ZDHHC2: variants seen among roughly 807,000 people sequenced by gnomAD.
ZDHHC2 encodes the protein zDHHC palmitoyltransferase 2.
In ZDHHC2, 51 loss-of-function variants were observed where a neutral mutation model predicts 55.6. That is an observed-to-expected ratio of 0.92 (90% CI 0.73 to 1.16). The LOEUF is 1.16. ZDHHC2 is among the 50% of genes most tolerant of loss of function. The probability of loss-of-function intolerance (pLI) is 0.00; values close to 1 mark genes in which losing one functional copy is unlikely to be tolerated. For missense variants in ZDHHC2, 491 were observed against 442.4 expected (o/e 1.11, Z -0.99); for synonymous variants, 199 against 152.9 (o/e 1.30, Z -2.22).
chr8:17,189,550 C>T (rs1351622692), intron 3 of ZDHHC2, among the ~76,000 whole-genome samples: 1 of 152,198 alleles, frequency 6.6e-6, no homozygotes, highest in African/African-American at 2.4e-5. Context: ...TATTCATACA[C>T]ATGCAGGTTT....
intron 3 of ZDHHC2, among the ~76,000 whole-genome samples, chr8:17,190,219 G>A (rs1805947306): frequency 6.6e-6 from 1 of 151,328 alleles, no homozygotes; most frequent in Non-Finnish European, 1.5e-5. Context: ...TCGCACCACT[G>A]CACTCCAGCC....
chr8:17,209,043 ATTCC>A (rs1490882197), intron 8 of ZDHHC2, among the ~76,000 whole-genome samples: 1 of 152,140 alleles, frequency 6.6e-6, no homozygotes, highest in Non-Finnish European at 1.5e-5. Flanking sequence ...CCATGTTCAT[ATTCC>A]AAAAACAACA....
chr8:17,182,600 C>T (rs1407323779), intron 1 of ZDHHC2, among the ~76,000 whole-genome samples: 1 of 152,084 alleles, frequency 6.6e-6, no homozygotes, highest in African/African-American at 2.4e-5. Flanking sequence ...AAAAATAGAA[C>T]ATCTGTGGAT....
At chr8:17,166,453 T>G (rs767405957) in intron 1 of ZDHHC2, among the ~76,000 whole-genome samples, 3 of 152,162 alleles carry the variant, frequency 2.0e-5, no homozygotes, top group Non-Finnish European at 4.4e-5. Context: ...TGTGCTGTCA[T>G]GAAATAGAGA....
At chr8:17,185,786 C>T (rs1463928347) in intron 2 of ZDHHC2, among the ~76,000 whole-genome samples, 2 of 152,166 alleles carry the variant, frequency 1.3e-5, no homozygotes, top group African/African-American at 2.4e-5. Context: ...ACAATTGTCC[C>T]ATGTAATAAA....
intron 3 of ZDHHC2, among the ~76,000 whole-genome samples, chr8:17,190,572 A>G (rs1329440846): frequency 4.6e-5 from 7 of 152,334 alleles, no homozygotes; most frequent in Admixed American, 3.9e-4. Flanking sequence ...ATAGTTTTTC[A>G]TTGGTAAGAT....
chr8:17,187,186 C>G (rs1344873362), intron 3 of ZDHHC2, among the ~76,000 whole-genome samples: 2 of 152,190 alleles, frequency 1.3e-5, no homozygotes, highest in Non-Finnish European at 2.9e-5. Context: ...TGAGAGACAA[C>G]TAGCAATCTC....
At chr8:17,206,445 G>C (rs986388928) in intron 7 of ZDHHC2, among the ~76,000 whole-genome samples, 17 of 152,130 alleles carry the variant, frequency 1.1e-4, no homozygotes, top group Non-Finnish European at 2.1e-4. Context: ...TCTTCCCTAG[G>C]AGCAGTTTTT....
chr8:17,223,459 C>T lies in ZDHHC2; in HGVS notation c.*3238C>T, dbSNP rs1031821351. The stretch of plus-strand genomic sequence containing the variant: ...TAATATCTTTCTGCAGAAACGTGTT[C>T]TTCTAAAGCAGAAAACCACGTGGCT... On this transcript the variant is annotated 3_prime_UTR_variant, in exon 13 of 13. Transcript: ENST00000262096. 9.9e-5 allele frequency: 15 copies of T among 151,868 alleles called. No homozygotes were observed. Among genetic ancestry groups the T allele is most frequent in the Non-Finnish European group, 2.1e-4 (14 of 67,794 alleles). 9.4% of individuals were successfully genotyped at this position (151,868 alleles called of 1,614,324 possible).
chr8:17,165,661 G>C (rs1482057612), intron 1 of ZDHHC2, among the ~76,000 whole-genome samples: 1 of 152,064 alleles, frequency 6.6e-6, no homozygotes. Flanking sequence ...TTCTAATTGG[G>C]GGAAGGAAAA....
intron 1 of ZDHHC2, among the ~76,000 whole-genome samples, chr8:17,161,480 T>C (rs1396064343): frequency 6.6e-6 from 1 of 152,208 alleles, no homozygotes; most frequent in Non-Finnish European, 1.5e-5. Flanking sequence ...GTTTTAAATA[T>C]TAAAATAGTT....
chr8:17,188,765 G>C (rs1489659077), intron 3 of ZDHHC2, among the ~76,000 whole-genome samples: 2 of 152,210 alleles, frequency 1.3e-5, no homozygotes, highest in East Asian at 1.9e-4. Flanking sequence ...CTCCCTATTT[G>C]ACATCTAATA....
chr8:17,178,497 A>T (rs1346505723), intron 1 of ZDHHC2, among the ~76,000 whole-genome samples: 1 of 152,156 alleles, frequency 6.6e-6, no homozygotes, highest in Non-Finnish European at 1.5e-5. Context: ...AACAGTAAAT[A>T]TTTTAGGCTT....
chr8:17,187,846 T>C (rs74538289), intron 3 of ZDHHC2, among the ~76,000 whole-genome samples: 95 of 152,314 alleles, frequency 6.2e-4, no homozygotes, highest in African/African-American at 2.0e-3. Context: ...CTGCCAAGCA[T>C]AGCTTCTTGA....
chr8:17,173,024 G>C (rs1326520618), intron 1 of ZDHHC2, among the ~76,000 whole-genome samples: 1 of 152,198 alleles, frequency 6.6e-6, no homozygotes, highest in Non-Finnish European at 1.5e-5. Flanking sequence ...GGTGGAGCAA[G>C]GGTGACCAGA....
Position 17,156,645 on chromosome 8 carries a change from G to C in ZDHHC2, c.-79G>C. On this transcript the variant is annotated 5_prime_UTR_variant, in exon 1 of 13. Transcript: ENST00000262096. The stretch of plus-strand genomic sequence containing the variant: ...CCGCCCAGGAGCCCGTCCAGCCAGG[G>C]GTGCCGGGCCCGCCCAGCCCGCCCC... The C allele has an allele frequency of 1.8e-6, 2 of 1,104,556 alleles. No homozygotes were observed. The highest frequency in any genetic ancestry group is 2.2e-6 in the Non-Finnish European group (2 of 905,034). The allele number at this position is 1,104,556 out of a possible 1,614,324, so 68.4% of individuals were successfully genotyped here. A position where few individuals can be genotyped will look rare whatever the true frequency, so the allele number is the denominator to read the frequency against.
At chr8:17,205,583 A>G in intron 6 of ZDHHC2, 72 bp from the exon 7 acceptor site, 4 of 1,434,854 alleles carry the variant, frequency 2.8e-6, no homozygotes, top group Middle Eastern at 1.8e-4. Context: ...GAAGCTAAAC[A>G]CTTGCTTGAG....
intron 11 of ZDHHC2, 87 bp from the exon 12 acceptor site, chr8:17,217,085 G>T: frequency 7.5e-7 from 1 of 1,326,472 alleles, no homozygotes; most frequent in Non-Finnish European, 1.1e-6. Context: ...AGTCTACCAA[G>T]GGATTCCTTA....
intron 7 of ZDHHC2, among the ~76,000 whole-genome samples, chr8:17,207,077 A>G (rs577351372): frequency 6.4e-4 from 98 of 152,334 alleles, no homozygotes; most frequent in African/African-American, 2.2e-3. Flanking sequence ...CCACAAACAT[A>G]TATGAAAAGG....
Sources: gnomAD v4.1 joint callset for allele counts (sites outside exome capture counted in the v4.1 genomes callset) on GRCh38, gnomAD v4.1.1 for gene constraint, MANE v1.5 for transcripts, NCBI Gene and HGNC (gene_info 2026-07-23, HGNC 2026-07-21) for gene names.